Variants in CDK14 observed in about 807,000 individuals in gnomAD.
CDK14 encodes cyclin dependent kinase 14.
In CDK14, 34 loss-of-function variants were observed where a neutral mutation model predicts 60.7. The ratio of observed to expected loss-of-function variants is 0.56; its 90% CI spans 0.43 to 0.75. The LOEUF (loss-of-function observed/expected upper bound fraction) is 0.75, where lower values mean the gene tolerates loss of function less well. Among genes scored for constraint, CDK14 ranks in the 30% least tolerant of loss-of-function variants. The pLI is 0.00. For missense variants in CDK14, 482 were observed against 564.1 expected (o/e 0.85, Z 1.47); for synonymous variants, 197 against 203.7 (o/e 0.97, Z 0.28).
chr7:90,725,771 A>G (rs1260062893), intron 2 of CDK14, among the ~76,000 whole-genome samples: 2 of 152,156 alleles, frequency 1.3e-5, no homozygotes, highest in Non-Finnish European at 2.9e-5. Flanking sequence ...GCTTAGAACT[A>G]AAGTAAAAAG....
At chr7:90,935,770 T>A (rs1016964428) in intron 8 of CDK14, among the ~76,000 whole-genome samples, 16 of 152,218 alleles carry the variant, frequency 1.1e-4, no homozygotes, top group African/African-American at 3.9e-4. Context: ...GAACATAGGC[T>A]GGCCGTGGTG....
Position 90,649,390 on chromosome 7 carries a change from C to T in CDK14, c.123+45141C>T, listed in dbSNP as rs181805048. 5.7e-3 allele frequency among the ~76,000 whole-genome samples: 237 copies of T among 41,680 alleles called. 16 individuals carry two copies. The highest frequency in any genetic ancestry group is 0.022 in the East Asian group (18 of 828). The allele number at this position is 41,680 out of a possible 152,430, so 27.3% of individuals were successfully genotyped here. ...CTTTCCTTCCTTCCTTCCTTCCTTC[C>T]TTCCTTCTTTCTTTCTTTCTTTCTT... On this transcript the variant is annotated intron_variant, in intron 2 of 14. Coordinates refer to ENST00000380050, the MANE Select transcript of CDK14 (RefSeq NM_001287135.2).
intron 2 of CDK14, among the ~76,000 whole-genome samples, chr7:90,623,137 C>T (rs972704138): frequency 1.3e-5 from 2 of 150,680 alleles, no homozygotes; most frequent in African/African-American, 2.4e-5. Context: ...CTTTGTCTTC[C>T]GTAATCTTTT....
chr7:90,833,555 A>T (rs73707900), intron 5 of CDK14, among the ~76,000 whole-genome samples: 1 of 152,300 alleles, frequency 6.6e-6, no homozygotes, highest in East Asian at 1.9e-4. Context: ...CAGTTAGACA[A>T]TGCATTGGAG....
intron 3 of CDK14, among the ~76,000 whole-genome samples, chr7:90,742,036 G>T (rs1205257715): frequency 6.6e-6 from 1 of 151,984 alleles, no homozygotes; most frequent in Non-Finnish European, 1.5e-5. Context: ...TACATTTGCA[G>T]AAATTAATTT....
rs555669843 is a variant in CDK14 at position 90,835,343 on chromosome 7, A to C, written c.545-27832A>C. On this transcript the variant is annotated intron_variant, in intron 5 of 14. Transcript: ENST00000380050. ...CTTGAAGTCAAGGGAGAATTTTATA[A>C]GATGGTGCTCTAGGGTATGTTTAAA... 2.6e-5 allele frequency among the ~76,000 whole-genome samples: 4 copies of C among 152,180 alleles called. No homozygotes were observed. In the East Asian group the frequency reaches 7.7e-4, roughly 29 times the overall value.
chr7:91,098,585 A>T (rs1285018999), intron 12 of CDK14, among the ~76,000 whole-genome samples: 1 of 152,122 alleles, frequency 6.6e-6, no homozygotes, highest in Non-Finnish European at 1.5e-5. Context: ...CTATATCAAC[A>T]TAGAGTGCTA....
At chr7:90,793,427 A>G (rs998144497) in intron 5 of CDK14, among the ~76,000 whole-genome samples, 1 of 152,226 alleles carries the variant, frequency 6.6e-6, no homozygotes, top group Non-Finnish European at 1.5e-5. Flanking sequence ...TCCATTAGTG[A>G]TGGGAGGTAA....
chr7:90,798,358 A>G (rs1050161686), intron 5 of CDK14, among the ~76,000 whole-genome samples: 11 of 152,122 alleles, frequency 7.2e-5, no homozygotes, highest in Non-Finnish European at 1.3e-4. Context: ...GCCTTTCCCC[A>G]TTAATACTTC....
At chr7:90,872,590 T>G (rs757445901) in intron 6 of CDK14, among the ~76,000 whole-genome samples, 2 of 152,216 alleles carry the variant, frequency 1.3e-5, no homozygotes, top group Non-Finnish European at 2.9e-5. Flanking sequence ...CATCTAATAA[T>G]AAGGAATGAT....
At chr7:90,935,505 A>T (rs538645364) in intron 8 of CDK14, among the ~76,000 whole-genome samples, 1 of 152,232 alleles carries the variant, frequency 6.6e-6, no homozygotes, top group Non-Finnish European at 1.5e-5. Flanking sequence ...CATTGTTAAG[A>T]CATTGGGAAT....
intron 2 of CDK14, among the ~76,000 whole-genome samples, chr7:90,616,224 G>A (rs1055304022): frequency 6.6e-6 from 1 of 152,030 alleles, no homozygotes; most frequent in Non-Finnish European, 1.5e-5. Context: ...GGATAAGTAA[G>A]CATTATTTTA....
intron 1 of CDK14, 68 bp from the exon 2 acceptor site, chr7:90,604,147 TCTG>T: frequency 9.8e-7 from 1 of 1,017,774 alleles, no homozygotes. Context: ...TGTTTTTTTT[TCTG>T]TTTTCTATAA....
chr7:90,819,578 T>C (rs1323777547), intron 5 of CDK14, among the ~76,000 whole-genome samples: 1 of 151,978 alleles, frequency 6.6e-6, no homozygotes, highest in Admixed American at 6.6e-5. Context: ...GGAATGACCC[T>C]AAGCAATTTG....
intron 13 of CDK14, among the ~76,000 whole-genome samples, chr7:91,113,856 T>TA (rs1302873681): frequency 6.6e-6 from 1 of 152,128 alleles, no homozygotes; most frequent in African/African-American, 2.4e-5. Flanking sequence ...TACTTTTTTT[T>TA]AACCCTAAAG....
chr7:91,042,158 G>A (rs780279073), intron 10 of CDK14, among the ~76,000 whole-genome samples: 14 of 152,170 alleles, frequency 9.2e-5, no homozygotes, highest in Non-Finnish European at 1.8e-4. Context: ...TTAGGGCAGA[G>A]CGTTAGGGAA....
intron 2 of CDK14, among the ~76,000 whole-genome samples, chr7:90,686,599 T>C (rs1420272449): frequency 2.0e-5 from 3 of 152,198 alleles, no homozygotes; most frequent in Non-Finnish European, 4.4e-5. Context: ...AAGGACTCTG[T>C]CTTAATCCTC....
intron 14 of CDK14, among the ~76,000 whole-genome samples, chr7:91,172,273 C>T (rs1801543681): frequency 6.6e-6 from 1 of 152,184 alleles, no homozygotes; most frequent in African/African-American, 2.4e-5. Context: ...CTAGAAAGCT[C>T]AGTATCTTCC....
At chr7:90,888,126 C>T (rs1406460983) in intron 6 of CDK14, among the ~76,000 whole-genome samples, 3 of 152,168 alleles carry the variant, frequency 2.0e-5, no homozygotes, top group East Asian at 1.9e-4. Context: ...CCAAGGTGGG[C>T]GGATCATGAG....
Sources: allele counts gnomAD v4.1 joint callset (sites outside exome capture counted in the v4.1 genomes callset), GRCh38; gene constraint gnomAD v4.1.1; transcripts MANE v1.5; gene names NCBI Gene and HGNC (gene_info 2026-07-23, HGNC 2026-07-21).